The following PTGER3 variants were observed in gnomAD, a reference collection of about 807,000 sequenced individuals.
PTGER3 encodes prostaglandin E receptor 3.
Under a neutral mutation model 34.7 loss-of-function variants are expected in PTGER3, and 22 were observed. That is an observed-to-expected ratio of 0.63 (90% confidence interval 0.45 to 0.91). The LOEUF is 0.91. Among genes scored for constraint, PTGER3 ranks in the 40% least tolerant of loss-of-function variants. The probability of loss-of-function intolerance (pLI) is 0.00; values close to 1 mark genes in which losing one functional copy is unlikely to be tolerated. For missense variants in PTGER3, 468 were observed against 519.4 expected, an observed-to-expected ratio of 0.90 and a Z score of 0.96; for synonymous variants, 241 against 230.1, an observed-to-expected ratio of 1.05 and a Z score of -0.43.
In PTGER3 at chr1:70,991,978, A is replaced by C. The variant is rs117291369; in HGVS notation, c.1078-17590T>G. Among the ~76,000 whole-genome samples, 405 of 152,314 alleles carry C rather than the reference A, an allele frequency of 2.7e-3. 16 individuals are homozygous for C. In the East Asian group the frequency reaches 0.068, roughly 26 times the overall value. ...TAAACAATAATAATAGGCTATATTT[A>C]ATTGGTTATACTAAATATCAAGCAC... On this transcript the variant is annotated intron_variant, in intron 2 of 3. Transcript: ENST00000306666.
At chr1:70,974,866 A>G (rs980357750) in intron 2 of PTGER3, among the ~76,000 whole-genome samples, 1 of 152,178 alleles carries the variant, frequency 6.6e-6, no homozygotes, top group African/African-American at 2.4e-5. Flanking sequence ...TACACTAGCC[A>G]TCTTCGAACA....
chr1:70,925,664 C>A (rs1307276561), intron 4 of PTGER3, among the ~76,000 whole-genome samples: 1 of 151,934 alleles, frequency 6.6e-6, no homozygotes. Flanking sequence ...AACTAAACAA[C>A]ATAATATTTA....
chr1:70,893,101 C>T (rs1302906899), intron 4 of PTGER3, among the ~76,000 whole-genome samples: 3 of 152,106 alleles, frequency 2.0e-5, no homozygotes, highest in Non-Finnish European at 4.4e-5. Context: ...AGTTTACCAG[C>T]TTTTCTCAGA....
intron 1 of PTGER3, among the ~76,000 whole-genome samples, chr1:71,027,847 T>C (rs1271511428): frequency 6.6e-6 from 1 of 152,204 alleles, no homozygotes; most frequent in Non-Finnish European, 1.5e-5. Context: ...CTTTTTACCT[T>C]TTTGTATTTA....
intron 4 of PTGER3, among the ~76,000 whole-genome samples, chr1:70,913,709 G>C (rs555622428): frequency 6.6e-6 from 1 of 151,320 alleles, no homozygotes; most frequent in Non-Finnish European, 1.5e-5. Flanking sequence ...ATTTTTTTTC[G>C]ATGTTTTTTC....
intron 1 of PTGER3, among the ~76,000 whole-genome samples, chr1:71,029,926 AAATAATAATAATAATAAT>A (rs3044586): frequency 2.8e-5 from 4 of 144,114 alleles, no homozygotes; most frequent in African/African-American, 1.0e-4. Flanking sequence ...ACTCCATCTC[AAATAATAATAATAATAAT>A]AATAATAATA....
intron 1 of PTGER3, among the ~76,000 whole-genome samples, chr1:71,033,977 A>G (rs1206403662): frequency 6.6e-6 from 1 of 152,186 alleles, no homozygotes; most frequent in African/African-American, 2.4e-5. Flanking sequence ...TTATTGGTAT[A>G]GTATTTTTAT....
chr1:70,894,062 C>G (rs1488007957), intron 4 of PTGER3, among the ~76,000 whole-genome samples: 1 of 152,106 alleles, frequency 6.6e-6, no homozygotes, highest in Non-Finnish European at 1.5e-5. Context: ...AATCCCAGCT[C>G]TTTGGGAGGC....
intron 3 of PTGER3, among the ~76,000 whole-genome samples, chr1:70,953,543 T>C (rs907907220): frequency 1.3e-5 from 2 of 152,286 alleles, no homozygotes; most frequent in African/African-American, 4.8e-5. Context: ...AAAGACCTTT[T>C]GTCATTTTTA....
At chr1:70,982,877 T>C (rs1401689232) in intron 2 of PTGER3, among the ~76,000 whole-genome samples, 1 of 152,176 alleles carries the variant, frequency 6.6e-6, no homozygotes, top group East Asian at 1.9e-4. Context: ...ATTGGCTTAA[T>C]TTAATCATTG....
chr1:71,020,697 AGTGTGT>A (rs112981971), intron 1 of PTGER3, among the ~76,000 whole-genome samples: 119 of 144,868 alleles, frequency 8.2e-4, no homozygotes, highest in African/African-American at 1.6e-3. Context: ...ATGTTAGCAG[AGTGTGT>A]GTGTGTGTGT....
chr1:70,970,671 G>A, downstream of PTGER3: 1 of 201,520 alleles, frequency 5.0e-6, no homozygotes, highest in Non-Finnish European at 8.8e-6. Context: ...CAAATGAGGG[G>A]ACAGAAGAAA....
chr1:70,970,832 C>A lies in PTGER3; in HGVS notation c.*898G>T, dbSNP rs1653005420. 1 of 909,304 alleles carries A rather than the reference C, an allele frequency of 1.1e-6. No individual in the cohort carries two copies. The highest frequency in any genetic ancestry group is 1.3e-6 in the Non-Finnish European group (1 of 760,666). 56.3% of individuals were successfully genotyped at this position (909,304 alleles called of 1,614,324 possible). A position where few individuals can be genotyped will look rare whatever the true frequency, so the allele number is the denominator to read the frequency against. Reference sequence around the variant, plus strand: ...TATTTTAATACAGACAAAATAGATTCTTTTATTTTATAAAAACGTAATAAA... The same window carrying A: ...TATTTTAATACAGACAAAATAGATTATTTTATTTTATAAAAACGTAATAAA... On this transcript the variant is annotated 3_prime_UTR_variant, in exon 4 of 4. Transcript: ENST00000306666.
intron 2 of PTGER3, among the ~76,000 whole-genome samples, chr1:70,988,490 T>C (rs1655128084): frequency 6.6e-6 from 1 of 152,176 alleles, no homozygotes; most frequent in Non-Finnish European, 1.5e-5. Context: ...ATGAGACTTC[T>C]AAAATTCTCC....
At chr1:70,987,612 C>T (rs1655045742) in intron 2 of PTGER3, among the ~76,000 whole-genome samples, 1 of 152,168 alleles carries the variant, frequency 6.6e-6, no homozygotes, top group Non-Finnish European at 1.5e-5. Flanking sequence ...TTCCTAGTCC[C>T]TGAAGCTGCA....
intron 2 of PTGER3, among the ~76,000 whole-genome samples, chr1:70,995,778 T>C (rs1655887396): frequency 6.6e-6 from 1 of 152,174 alleles, no homozygotes; most frequent in Non-Finnish European, 1.5e-5. Context: ...GTGTTCACTA[T>C]TAATATTATT....
intron 1 of PTGER3, among the ~76,000 whole-genome samples, chr1:71,038,460 C>T (rs1198218470): frequency 2.0e-5 from 3 of 152,156 alleles, no homozygotes. Flanking sequence ...AATTAGTAGG[C>T]ATTTTCTTTT....
chr1:70,892,494 T>C (rs1215869813), intron 4 of PTGER3, among the ~76,000 whole-genome samples: 1 of 152,096 alleles, frequency 6.6e-6, no homozygotes, highest in East Asian at 1.9e-4. Context: ...CATAGATAGA[T>C]TGTACTAGCT....
intron 1 of PTGER3, among the ~76,000 whole-genome samples, chr1:71,039,856 A>C (rs1410505651): frequency 1.3e-5 from 2 of 152,076 alleles, no homozygotes; most frequent in African/African-American, 2.4e-5. Flanking sequence ...CAACACTACT[A>C]TCCAGTAAAA....
Sources: allele counts gnomAD v4.1 joint callset (sites outside exome capture counted in the v4.1 genomes callset), GRCh38; gene constraint gnomAD v4.1.1; transcripts MANE v1.5; gene names NCBI Gene and HGNC (gene_info 2026-07-23, HGNC 2026-07-21).